Variants in STEAP3 observed in about 807,000 individuals in gnomAD.
STEAP3 encodes metalloreductase STEAP3.
A neutral mutation model predicts 34.9 loss-of-function variants in STEAP3; 35 were observed. That is an observed-to-expected ratio of 1.00 (90% CI 0.76 to 1.33). The LOEUF (loss-of-function observed/expected upper bound fraction) is 1.33. Among genes scored for constraint, STEAP3 ranks in the 40% most tolerant of loss-of-function variants. The pLI is 0.00. For synonymous variants in STEAP3, 281 were observed against 301.6 expected (o/e 0.93, Z 0.71); for missense variants, 652 against 667.6 (o/e 0.98, Z 0.26).
intron 2 of STEAP3, 43 bp downstream of exon 2, chr2:119,231,077 G>T: frequency 6.2e-7 from 1 of 1,613,598 alleles, no homozygotes; most frequent in African/African-American, 1.3e-5. Flanking sequence ...CATGGGTCGT[G>T]TGCAAACCCC....
intron 2 of STEAP3, among the ~76,000 whole-genome samples, chr2:119,240,710 C>T (rs1407424258): frequency 6.6e-6 from 1 of 152,256 alleles, no homozygotes; most frequent in East Asian, 1.9e-4. Flanking sequence ...TCCTCCATGG[C>T]AGTTCTGTCC....
chr2:119,248,416 A>G (rs1677519270), intron 4 of STEAP3: 6 of 609,072 alleles, frequency 9.9e-6, no homozygotes, highest in Admixed American at 6.3e-5. Context: ...TCCTGCCCCC[A>G]TGGGTACAGC....
At chr2:119,257,855 G>A (rs1349116626) in intron 5 of STEAP3, 8 of 496,820 alleles carry the variant, frequency 1.6e-5, no homozygotes, top group South Asian at 1.7e-4. Flanking sequence ...TTTTGTTACC[G>A]GAAAAGGGTC....
chr2:119,263,024 C>A (rs774654393), intron 5 of STEAP3, 33 bp from the exon 6 acceptor site: 26 of 1,593,316 alleles, frequency 1.6e-5, no homozygotes, highest in Non-Finnish European at 2.1e-5. Flanking sequence ...GTCATCCCCT[C>A]GCCCTCACTC....
At chr2:119,238,107 G>A (rs1677142800) in intron 2 of STEAP3, among the ~76,000 whole-genome samples, 1 of 152,202 alleles carries the variant, frequency 6.6e-6, no homozygotes, top group South Asian at 2.1e-4. Flanking sequence ...TGGGTATTAT[G>A]AATAATGGGT....
intron 5 of STEAP3, among the ~76,000 whole-genome samples, chr2:119,262,439 A>G (rs2104853816): frequency 6.6e-6 from 1 of 152,254 alleles, no homozygotes; most frequent in East Asian, 1.9e-4. Context: ...CAGTGGCACA[A>G]TCTTGGCTCA....
At chr2:119,258,772 T>C (rs1434965484) in intron 5 of STEAP3, among the ~76,000 whole-genome samples, 1 of 125,296 alleles carries the variant, frequency 8.0e-6, no homozygotes, top group East Asian at 2.2e-4. Flanking sequence ...CACACCTGGC[T>C]AATTTTTTTT....
chr2:119,251,571 C>G (rs1677627531), intron 4 of STEAP3, among the ~76,000 whole-genome samples: 1 of 152,184 alleles, frequency 6.6e-6, no homozygotes, highest in South Asian at 2.1e-4. Context: ...ACCTTCACCC[C>G]AAGCTACATC....
At chr2:119,235,362 G>A (rs1395273317) in intron 2 of STEAP3, among the ~76,000 whole-genome samples, 2 of 152,210 alleles carry the variant, frequency 1.3e-5, no homozygotes, top group Non-Finnish European at 2.9e-5. Context: ...CGTGAGCAGG[G>A]AGGACTTTCT....
chr2:119,259,763 G>A (rs1283620835), intron 5 of STEAP3, among the ~76,000 whole-genome samples: 1 of 152,338 alleles, frequency 6.6e-6, no homozygotes, highest in East Asian at 1.9e-4. Context: ...ACTAAGGCTG[G>A]CTTTCCAGGC....
chr2:119,228,906 C>T (rs1380768293), intron 1 of STEAP3, among the ~76,000 whole-genome samples: 4 of 152,116 alleles, frequency 2.6e-5, no homozygotes, highest in African/African-American at 2.4e-5. Flanking sequence ...TCCAGGAACG[C>T]GTACTCTCCA....
chr2:119,246,080 A>G (rs949790790), intron 3 of STEAP3, 92 bp downstream of exon 3: 23 of 1,463,536 alleles, frequency 1.6e-5, no homozygotes, highest in Middle Eastern at 2.0e-4. Context: ...TTGATATGTT[A>G]TCATAACTAA....
intron 1 of STEAP3, among the ~76,000 whole-genome samples, chr2:119,227,332 G>T (rs527530046): frequency 6.6e-6 from 1 of 152,316 alleles, no homozygotes; most frequent in East Asian, 1.9e-4. Context: ...CAACCCAGGG[G>T]CAGAGTGTGT....
chr2:119,263,639 G>A lies in STEAP3; in HGVS notation c.*301G>A. On this transcript the variant is annotated 3_prime_UTR_variant, in exon 6 of 6. Transcript: ENST00000393110. Reference sequence around the variant, plus strand: ...TAAAAACAAGTGCCGTACGTTAAGAGAAGAGCAGATCATGCTATTGTGACA... The same window carrying A: ...TAAAAACAAGTGCCGTACGTTAAGAAAAGAGCAGATCATGCTATTGTGACA... The A allele has an allele frequency of 2.1e-6, 1 of 479,776 alleles. No homozygotes were observed. The highest frequency in any genetic ancestry group is 6.1e-4 in the Middle Eastern group (1 of 1,630). The allele number at this position is 479,776 out of a possible 1,614,324, so 29.7% of individuals were successfully genotyped here.
At chr2:119,246,118 A>G in intron 3 of STEAP3, 130 bp downstream of exon 3, 5 of 1,251,048 alleles carry the variant, frequency 4.0e-6, no homozygotes, top group Non-Finnish European at 5.5e-6. Flanking sequence ...ATTCCATTTT[A>G]CAGAACAGGA....
intron 2 of STEAP3, among the ~76,000 whole-genome samples, chr2:119,240,313 C>T (rs10174436): frequency 0.056 from 8,542 of 152,324 alleles, 256 homozygotes; most frequent in African/African-American, 0.075. Flanking sequence ...CAGTCAGTCC[C>T]CACATGGGAG....
Position 119,230,606 on chromosome 2 carries a change from T to G in STEAP3, c.-393-14T>G. On this transcript the variant is annotated splice_polypyrimidine_tract_variant and intron_variant, in intron 1 of 5. Transcript: ENST00000393110. ...CCTTTCTCTCTCTCGCTCACGTGTG[T>G]GTGCGCGCGTTAGATGACATTTATT... 2 of 231,110 alleles carry G rather than the reference T, an allele frequency of 8.7e-6. No individual in the cohort carries two copies. The highest frequency in any genetic ancestry group is 8.8e-6 in the Non-Finnish European group (1 of 113,364). 14.3% of individuals were successfully genotyped at this position (231,110 alleles called of 1,614,324 possible). A position where few individuals can be genotyped will look rare whatever the true frequency, so the allele number is the denominator to read the frequency against.
At chr2:119,261,072 A>G (rs1677927551) in intron 5 of STEAP3, among the ~76,000 whole-genome samples, 1 of 152,204 alleles carries the variant, frequency 6.6e-6, no homozygotes, top group Non-Finnish European at 1.5e-5. Context: ...AAGCTTTACA[A>G]GCAATTCTCC....
At chr2:119,228,829 G>T (rs1679121097) in intron 1 of STEAP3, among the ~76,000 whole-genome samples, 1 of 152,128 alleles carries the variant, frequency 6.6e-6, no homozygotes, top group Admixed American at 6.5e-5. Context: ...GGCTGAGGGA[G>T]CTCAGGGTAG....
Sources: allele counts gnomAD v4.1 joint callset (sites outside exome capture counted in the v4.1 genomes callset), GRCh38; gene constraint gnomAD v4.1.1; transcripts MANE v1.5; gene names NCBI Gene and HGNC (gene_info 2026-07-23, HGNC 2026-07-21).